ARL15: variants seen among roughly 807,000 people sequenced by gnomAD.
ARL15 encodes ADP-ribosylation factor-like protein 15.
A neutral mutation model predicts 25.2 loss-of-function variants in ARL15; 19 were observed. The observed-to-expected ratio is 0.75, with a 90% CI of 0.53 to 1.10. The LOEUF is 1.10. Ranked by LOEUF, ARL15 falls within the 50% of genes least tolerant of loss-of-function variation. ARL15 has a pLI of 0.00. For synonymous variants in ARL15, 94 were observed against 86.8 expected, an observed-to-expected ratio of 1.08 and a Z score of -0.46; for missense variants, 220 against 246.0, an observed-to-expected ratio of 0.89 and a Z score of 0.71.
intron 4 of ARL15, among the ~76,000 whole-genome samples, chr5:53,952,328 CTG>C (rs1747002922): frequency 6.6e-6 from 1 of 152,038 alleles, no homozygotes; most frequent in South Asian, 2.1e-4. Flanking sequence ...CAGACAATAA[CTG>C]TTTTTTATGT....
At chr5:54,058,091 C>A (rs1292942511) in intron 4 of ARL15, among the ~76,000 whole-genome samples, 1 of 151,668 alleles carries the variant, frequency 6.6e-6, no homozygotes, top group African/African-American at 2.4e-5. Context: ...CTGCAACCTC[C>A]GCCTCCGAGG....
intron 4 of ARL15, among the ~76,000 whole-genome samples, chr5:54,065,593 GAGGTGGGGTGGTTGC>G (rs1424369114): frequency 2.0e-5 from 3 of 152,172 alleles, no homozygotes; most frequent in Admixed American, 6.5e-5. Context: ...TTGAACCCAG[GAGGTGGGGTGGTTGC>G]AGTGAGCCGA....
chr5:54,124,775 G>C (rs1033888489), intron 3 of ARL15, among the ~76,000 whole-genome samples: 2 of 152,164 alleles, frequency 1.3e-5, no homozygotes, highest in African/African-American at 4.8e-5. Context: ...TGGATTTAAA[G>C]AAGGTTAGGA....
chr5:54,108,997 T>C (rs1752663775), intron 4 of ARL15, among the ~76,000 whole-genome samples: 1 of 152,088 alleles, frequency 6.6e-6, no homozygotes. Context: ...GTAATGTTTA[T>C]ATCATTACAA....
intron 3 of ARL15, among the ~76,000 whole-genome samples, chr5:54,120,630 G>T (rs546210429): frequency 1.3e-5 from 2 of 152,290 alleles, no homozygotes; most frequent in Admixed American, 1.3e-4. Context: ...AGATGCCAAG[G>T]GGATCACAAC....
At position 54,187,222 on chromosome 5, in the gene ARL15, T is replaced by C. The variant is rs368830824; in HGVS notation, c.49-15294A>G. Among the ~76,000 whole-genome samples the C allele has an allele frequency of 1.1e-4, 16 of 152,270 alleles. No homozygotes were observed. In the East Asian group the frequency reaches 1.2e-3, roughly 11 times the overall value. On this transcript the variant is annotated intron_variant, in intron 1 of 4. Transcript: ENST00000504924. ...CATCAGAAGGCTCCAACCCCGGGCA[T>C]TGTGCCACTGAGCTGGAGAATCTAA...
At position 54,114,406 on chromosome 5, in the gene ARL15, GA is replaced by G. The variant is rs1171369744; in HGVS notation, c.254-997del. Among the ~76,000 whole-genome samples, 496 of 74,474 alleles carry G rather than the reference GA, an allele frequency of 6.7e-3. 28 individuals are homozygous for G. Among genetic ancestry groups the G allele is most frequent in the Non-Finnish European group, 8.0e-3 (353 of 44,052 alleles). The allele number at this position is 74,474 out of a possible 152,430, so 48.9% of individuals were successfully genotyped here. A position where few individuals can be genotyped will look rare whatever the true frequency, so the allele number is the denominator to read the frequency against. On this transcript the variant is annotated intron_variant, in intron 3 of 4. Coordinates refer to ENST00000504924, the MANE Select transcript of ARL15 (RefSeq NM_019087.3). ...GCAACACAGCAAGGCTCCATCTCAA[GA>G]AAAAAAAAAAAAAAAGCAACACCAC...
intron 4 of ARL15, among the ~76,000 whole-genome samples, chr5:54,002,779 T>C (rs1561184225): frequency 6.6e-6 from 1 of 152,238 alleles, no homozygotes; most frequent in Admixed American, 6.5e-5. Context: ...AAGTTCTGTA[T>C]CACAGGTCTC....
chr5:53,899,161 A>G (rs956299826), intron 4 of ARL15, among the ~76,000 whole-genome samples: 3 of 151,822 alleles, frequency 2.0e-5, no homozygotes, highest in Non-Finnish European at 4.4e-5. Context: ...AGCCTGGCCA[A>G]CATGGTGAAA....
At chr5:54,184,419 G>A (rs1400697676) in intron 1 of ARL15, among the ~76,000 whole-genome samples, 1 of 127,458 alleles carries the variant, frequency 7.8e-6, no homozygotes, top group African/African-American at 2.9e-5. Context: ...CTCCAGCCTA[G>A]GCAACAGTAA....
At chr5:53,933,493 A>C (rs1031761335) in intron 4 of ARL15, among the ~76,000 whole-genome samples, 5 of 151,954 alleles carry the variant, frequency 3.3e-5, no homozygotes, top group Admixed American at 1.3e-4. Context: ...AAAATACAAA[A>C]AATTAGCCTG....
At chr5:54,196,581 T>C (rs1755555615) in intron 1 of ARL15, among the ~76,000 whole-genome samples, 1 of 152,100 alleles carries the variant, frequency 6.6e-6, no homozygotes, top group Non-Finnish European at 1.5e-5. Context: ...CAATAATTAT[T>C]ATTTATGCCA....
At chr5:54,092,073 C>CACACACACACACACACA (rs143647206) in intron 4 of ARL15, among the ~76,000 whole-genome samples, 2,134 of 149,656 alleles carry the variant, frequency 0.014, 22 homozygotes, top group African/African-American at 0.021. Flanking sequence ...CACACACACA[C>CACACACACACACACACA]CACCACCACC....
intron 4 of ARL15, among the ~76,000 whole-genome samples, chr5:53,933,742 T>A (rs947946629): frequency 6.6e-6 from 1 of 151,466 alleles, no homozygotes; most frequent in African/African-American, 2.4e-5. Context: ...GGTTTAAGGA[T>A]CTCTCTTAAT....
At chr5:53,996,839 T>G (rs532599357) in intron 4 of ARL15, among the ~76,000 whole-genome samples, 2 of 152,194 alleles carry the variant, frequency 1.3e-5, no homozygotes, top group African/African-American at 4.8e-5. Flanking sequence ...GGCTAACACC[T>G]TACACCTGTA....
intron 1 of ARL15, among the ~76,000 whole-genome samples, chr5:54,254,010 C>CATGGGAGCATTGCAAG (rs1757305039): frequency 1.3e-5 from 2 of 152,186 alleles, no homozygotes; most frequent in Non-Finnish European, 2.9e-5. Context: ...TTTCTTAAGA[C>CATGGGAGCATTGCAAG]ATGGGAGCAT....
At chr5:54,200,702 A>T (rs905373050) in intron 1 of ARL15, among the ~76,000 whole-genome samples, 1 of 152,208 alleles carries the variant, frequency 6.6e-6, no homozygotes, top group Admixed American at 6.6e-5. Flanking sequence ...GGTATGACTG[A>T]GAGAAAATAC....
At chr5:54,046,644 T>C (rs1387597663) in intron 4 of ARL15, among the ~76,000 whole-genome samples, 3 of 152,196 alleles carry the variant, frequency 2.0e-5, no homozygotes, top group African/African-American at 4.8e-5. Flanking sequence ...GGCAACAGAA[T>C]GTCCTAGGGA....
At chr5:53,903,394 G>A (rs900685456) in intron 4 of ARL15, among the ~76,000 whole-genome samples, 1 of 152,246 alleles carries the variant, frequency 6.6e-6, no homozygotes, top group African/African-American at 2.4e-5. Flanking sequence ...ATAACAGGGG[G>A]TGGGGAAGCA....
Sources: allele counts gnomAD v4.1 joint callset (sites outside exome capture counted in the v4.1 genomes callset), GRCh38; gene constraint gnomAD v4.1.1; transcripts MANE v1.5; gene names NCBI Gene and HGNC (gene_info 2026-07-23, HGNC 2026-07-21).